Variants in DHRS12 observed in about 807,000 individuals in gnomAD.
DHRS12 encodes dehydrogenase/reductase 12, also known as dehydrogenase/reductase SDR family member 12.
A neutral mutation model predicts 32.1 loss-of-function variants in DHRS12; 29 were observed. The ratio of observed to expected loss-of-function variants is 0.90; its 90% CI spans 0.67 to 1.23. DHRS12 has a LOEUF of 1.23. DHRS12 is among the 50% of genes most tolerant of loss of function. The pLI, the probability that DHRS12 is intolerant of heterozygous loss-of-function variation, is 0.00. For synonymous variants in DHRS12, 150 were observed against 135.9 expected (o/e 1.10, Z -0.72); for missense variants, 330 against 337.2 (o/e 0.98, Z 0.17).
chr13:51,773,012 C>T, intron 6 of DHRS12: 5 of 985,464 alleles, frequency 5.1e-6, no homozygotes, highest in Middle Eastern at 5.2e-4. Flanking sequence ...GTGCTGGCAG[C>T]CTTACAGACA....
intron 7 of DHRS12, chr13:51,770,888 A>G: frequency 3.5e-6 from 4 of 1,149,780 alleles, no homozygotes; most frequent in Non-Finnish European, 4.3e-6. Context: ...CAGGTGTTCT[A>G]TAATTTATTA....
intron 8 of DHRS12, chr13:51,768,783 C>T (rs1236352326): frequency 2.5e-6 from 3 of 1,202,706 alleles, no homozygotes; most frequent in Non-Finnish European, 3.1e-6. Flanking sequence ...AGCAGAGTCC[C>T]TTACACCCTT....
At chr13:51,792,720 C>A (rs1393603665) in intron 2 of DHRS12, among the ~76,000 whole-genome samples, 2 of 152,136 alleles carry the variant, frequency 1.3e-5, no homozygotes, top group Non-Finnish European at 2.9e-5. Context: ...ATTTGTGTAT[C>A]TTCTTTGGAG....
At chr13:51,760,861 T>G in the DHRS12 span, 1 of 152,342 alleles carries the variant, frequency 6.6e-6, no homozygotes, top group Non-Finnish European at 1.5e-5. Flanking sequence ...TAACACTTGC[T>G]TGCCCACTGC....
chr13:51,790,094 TAA>T lies in DHRS12; in HGVS notation c.220-4_220-3del, dbSNP rs538232070. The T allele has an allele frequency of 5.0e-3, 7,845 of 1,575,390 alleles. 33 individuals carry two copies. Among genetic ancestry groups the T allele is most frequent in the Non-Finnish European group, 6.2e-3 (7,230 of 1,167,896 alleles). The stretch of plus-strand genomic sequence containing the variant: ...GACCATGCAACCTGCATTATTGATC[TAA>T]AATTTATAGTTCTCATTTCAAAATA... On this transcript the variant is annotated splice_region_variant and splice_polypyrimidine_tract_variant and intron_variant, in intron 3 of 8. Transcript: ENST00000444610.
intron 4 of DHRS12, among the ~76,000 whole-genome samples, chr13:51,779,817 A>G (rs74086286): frequency 0.016 from 2,385 of 152,196 alleles, 57 homozygotes; most frequent in African/African-American, 0.054. Flanking sequence ...CACAAAACCT[A>G]AGACACTTGG....
intron 4 of DHRS12, among the ~76,000 whole-genome samples, chr13:51,787,084 A>G (rs529862838): frequency 6.0e-4 from 91 of 152,344 alleles, no homozygotes; most frequent in African/African-American, 2.2e-3. Context: ...TGTGTATTGT[A>G]CTACTTCCTT....
intron 4 of DHRS12, among the ~76,000 whole-genome samples, chr13:51,780,013 C>A (rs1476196621): frequency 6.6e-6 from 1 of 151,950 alleles, no homozygotes; most frequent in Non-Finnish European, 1.5e-5. Context: ...CCCATCTCTA[C>A]TAAAAATACA....
At chr13:51,755,553 T>G in the DHRS12 span, 7 of 1,216,704 alleles carry the variant, frequency 5.8e-6, no homozygotes, top group Non-Finnish European at 8.4e-6. Flanking sequence ...GTGGGAGTTG[T>G]GGTGAGGGTA....
chr13:51,769,390 A>C, intron 7 of DHRS12, 97 bp from the exon 8 acceptor site: 7 of 1,029,348 alleles, frequency 6.8e-6, no homozygotes, highest in South Asian at 1.7e-5. Flanking sequence ...GCAAAAATGA[A>C]ATGGGATCAT....
At position 51,799,805 on chromosome 13, in the gene DHRS12, T is replaced by C. The variant is rs938337302; in HGVS notation, c.-8-138A>G. On this transcript the variant is annotated intron_variant, in intron 1 of 8. Transcript: ENST00000444610. ...ACACATCACGAAACTCCTTTCTCCC[T>C]TGCCCTCCCTGCTCTCACAAACACC... The C allele has an allele frequency of 9.4e-6, 9 of 961,988 alleles. No individual in the cohort carries two copies. In the Admixed American group the frequency reaches 1.8e-4, roughly 19 times the overall value. 59.6% of individuals were successfully genotyped at this position (961,988 alleles called of 1,614,324 possible). A position where few individuals can be genotyped will look rare whatever the true frequency, so the allele number is the denominator to read the frequency against.
the DHRS12 span, chr13:51,756,242 A>G: frequency 6.6e-7 from 1 of 1,526,324 alleles, no homozygotes; most frequent in Non-Finnish European, 8.8e-7. Context: ...GATGCAGTTG[A>G]TTACACCTCT....
At chr13:51,799,470 C>G in intron 2 of DHRS12, 64 bp downstream of exon 2, 1 of 1,596,544 alleles carries the variant, frequency 6.3e-7, no homozygotes, top group Non-Finnish European at 8.5e-7. Flanking sequence ...GTGCCCTCCT[C>G]AGTGTGGACC....
Position 51,796,134 on chromosome 13 carries a change from AG to A in DHRS12, c.126+3399del, listed in dbSNP as rs1203809644. 6.6e-5 allele frequency among the ~76,000 whole-genome samples: 10 copies of A among 152,234 alleles called. No individual in the cohort carries two copies. The South Asian group carries it at 2.1e-3, about 32-fold the overall frequency. ...AGCTAAGAACTTTGCCCAAGCTCACAGGCCAGAAAGTGCAAAACCAGGACTC... is the reference window on the plus strand; with the variant it reads ...AGCTAAGAACTTTGCCCAAGCTCACAGCCAGAAAGTGCAAAACCAGGACTC... On this transcript the variant is annotated intron_variant, in intron 2 of 8. Transcript: ENST00000444610.
At chr13:51,787,499 G>A (rs1182148270) in intron 4 of DHRS12, among the ~76,000 whole-genome samples, 1 of 151,468 alleles carries the variant, frequency 6.6e-6, no homozygotes, top group African/African-American at 2.4e-5. Flanking sequence ...TGCTGGGATG[G>A]GTGGAACTGT....
At chr13:51,792,438 C>T (rs970404331) in intron 2 of DHRS12, among the ~76,000 whole-genome samples, 5 of 151,790 alleles carry the variant, frequency 3.3e-5, no homozygotes, top group Admixed American at 6.6e-5. Flanking sequence ...TGCACTCTGT[C>T]GCCCAGGCTA....
At chr13:51,773,180 T>C (rs1183091652) in intron 6 of DHRS12, 1 of 683,396 alleles carries the variant, frequency 1.5e-6, no homozygotes, top group Non-Finnish European at 1.8e-6. Flanking sequence ...GTTTCAAGTT[T>C]CAGATTTTTT....
At chr13:51,796,713 G>A (rs1222408476) in intron 2 of DHRS12, among the ~76,000 whole-genome samples, 3 of 152,154 alleles carry the variant, frequency 2.0e-5, no homozygotes, top group Non-Finnish European at 2.9e-5. Context: ...CAGCACCACC[G>A]AAAGTTATCA....
At position 51,769,259 on chromosome 13, in the gene DHRS12, C is replaced by G. The variant is rs769925031; in HGVS notation, c.594G>C (p.Arg198Ser). The change falls in exon 8 of 9, where the codon AGG (arginine) becomes AGC (serine). Residue 198 changes from arginine (R) to serine (S), a missense_variant. Coordinates refer to ENST00000444610, the MANE Select transcript of DHRS12 (RefSeq NM_001377533.1). ...CCTCGGAGCGCAGGCGGTCCCCGAACCTGGCGTGGAACCCCGGCATCGCCT... is the reference window on the plus strand; with the variant it reads ...CCTCGGAGCGCAGGCGGTCCCCGAAGCTGGCGTGGAACCCCGGCATCGCCT... ...VRQAMPGFHA[R>S]FGDRLRSEAQ... 1 of 1,589,232 alleles carries G rather than the reference C, an allele frequency of 6.3e-7. No homozygotes were observed. Among genetic ancestry groups the G allele is most frequent in the African/African-American group, 1.3e-5 (1 of 74,268 alleles).
Sources: gnomAD v4.1 joint callset for allele counts (sites outside exome capture counted in the v4.1 genomes callset) on GRCh38, gnomAD v4.1.1 for gene constraint, MANE v1.5 for transcripts, NCBI Gene and HGNC (gene_info 2026-07-23, HGNC 2026-07-21) for gene names.